MEI4: variants seen among roughly 807,000 people sequenced by gnomAD.
The protein encoded by MEI4 is meiosis-specific protein MEI4.
MEI4 carries 27 observed loss-of-function variants against 31.4 expected under a neutral mutation model. The observed-to-expected ratio is 0.86, with a 90% CI of 0.63 to 1.19. MEI4 has a LOEUF of 1.19. Ranked by LOEUF, MEI4 falls within the 50% of genes most tolerant of loss-of-function variation. MEI4 has a pLI of 0.00. For missense variants in MEI4, 329 were observed against 398.9 expected (o/e 0.82, Z 1.49); for synonymous variants, 122 against 145.4 (o/e 0.84, Z 1.16).
intron 1 of MEI4, among the ~76,000 whole-genome samples, chr6:77,672,697 G>C (rs556234784): frequency 8.5e-5 from 13 of 152,080 alleles, no homozygotes; most frequent in Middle Eastern, 3.2e-3. Context: ...GCACCACCAC[G>C]CCTGGCTAAT....
At chr6:77,680,617 A>T (rs1768939930) in intron 1 of MEI4, among the ~76,000 whole-genome samples, 2 of 152,194 alleles carry the variant, frequency 1.3e-5, no homozygotes, top group Admixed American at 6.5e-5. Context: ...ATGCCAGAAG[A>T]TGTATAGAAT....
chr6:77,735,643 C>T (rs375867323), intron 2 of MEI4, among the ~76,000 whole-genome samples: 2 of 152,240 alleles, frequency 1.3e-5, no homozygotes, highest in South Asian at 4.1e-4. Flanking sequence ...TTGTCAAAGT[C>T]ATTCTCTGTC....
chr6:77,727,295 T>G (rs2127665640), intron 2 of MEI4, among the ~76,000 whole-genome samples: 1 of 152,354 alleles, frequency 6.6e-6, no homozygotes, highest in African/African-American at 2.4e-5. Flanking sequence ...TGGCCTATAT[T>G]ATAATCTTCA....
Position 77,759,072 on chromosome 6 carries a change from TG to T in MEI4, c.233-2057del, listed in dbSNP as rs576872142. ...GCTATGAATGAGGTAACTGGTGTTT[TG>T]TTTGTTTGTTTGTTTGTTTAAATTA... is the stretch of plus-strand genomic sequence containing the variant. On this transcript the variant is annotated intron_variant, in intron 2 of 4. Coordinates refer to ENST00000684080, the MANE Select transcript of MEI4 (RefSeq NM_001322247.2). Among the ~76,000 whole-genome samples the T allele has an allele frequency of 1.4e-3, 212 of 152,210 alleles. 1 individual carries two copies. The highest frequency in any genetic ancestry group is 4.5e-3 in the African/African-American group (186 of 41,510).
chr6:77,816,103 A>G (rs933283881), intron 3 of MEI4, among the ~76,000 whole-genome samples: 3 of 152,134 alleles, frequency 2.0e-5, no homozygotes, highest in African/African-American at 7.2e-5. Flanking sequence ...CTCTATCCTT[A>G]TGAGCTGTCC....
intron 1 of MEI4, among the ~76,000 whole-genome samples, chr6:77,657,062 T>G (rs1263909467): frequency 6.6e-6 from 1 of 152,228 alleles, no homozygotes; most frequent in African/African-American, 2.4e-5. Context: ...AAATTGCTGC[T>G]GTAAAAATCT....
Position 77,926,246 on chromosome 6 carries a change from T to G in MEI4, c.*2900T>G, listed in dbSNP as rs1766841533. 1 of 151,992 alleles carries G rather than the reference T, an allele frequency of 6.6e-6. No individual in the cohort carries two copies. The highest frequency in any genetic ancestry group is 6.6e-5 in the Admixed American group (1 of 15,204). 9.4% of individuals were successfully genotyped at this position (151,992 alleles called of 1,614,324 possible). A position where few individuals can be genotyped will look rare whatever the true frequency, so the allele number is the denominator to read the frequency against. On this transcript the variant is annotated 3_prime_UTR_variant, in exon 5 of 5. Transcript: ENST00000684080. ...TAGCTTATGATTAGCTTATTTTGGA[T>G]TTTTTAATTGCTGTAAACAAGTTGT... is the stretch of plus-strand genomic sequence containing the variant.
At chr6:77,878,253 C>T (rs62425094) in intron 4 of MEI4, among the ~76,000 whole-genome samples, 44,615 of 151,896 alleles carry the variant, frequency 0.29, 7,123 homozygotes, top group South Asian at 0.38. Flanking sequence ...GGCCTCACTA[C>T]TTTTAGATGG....
In MEI4 at chr6:77,734,833, G is replaced by T. The variant is rs190559097; in HGVS notation, c.233-26297G>T. On this transcript the variant is annotated intron_variant, in intron 2 of 4. Transcript: ENST00000684080. ...GAGCTCTTTTAGGGCAGGCCTGGTT[G>T]TGACAAAATCTCTCAGCATTTGCTT... Among the ~76,000 whole-genome samples, 8 of 151,890 alleles carry T rather than the reference G, an allele frequency of 5.3e-5. No individual in the cohort carries two copies. The East Asian group carries it at 7.7e-4, about 15-fold the overall frequency.
intron 4 of MEI4, among the ~76,000 whole-genome samples, chr6:77,843,587 T>A (rs1465822838): frequency 6.6e-6 from 1 of 151,714 alleles, no homozygotes; most frequent in East Asian, 1.9e-4. Context: ...CATCTGAACC[T>A]CTGGCTAGTT....
intron 4 of MEI4, among the ~76,000 whole-genome samples, chr6:77,856,816 C>T (rs184423912): frequency 2.9e-4 from 44 of 152,282 alleles, no homozygotes; most frequent in Non-Finnish European, 1.9e-4. Flanking sequence ...TAAGCACTCT[C>T]ATCTTATCCA....
At chr6:77,656,319 T>G (rs1274526592) in intron 1 of MEI4, among the ~76,000 whole-genome samples, 1 of 152,144 alleles carries the variant, frequency 6.6e-6, no homozygotes, top group Admixed American at 6.5e-5. Context: ...CCTATTTTCA[T>G]GAATGTCTGT....
At chr6:77,777,566 T>A (rs560276834) in intron 3 of MEI4, among the ~76,000 whole-genome samples, 1 of 152,270 alleles carries the variant, frequency 6.6e-6, no homozygotes, top group Admixed American at 6.5e-5. Context: ...TGCTATCAAA[T>A]TTCCCTAAAG....
chr6:77,789,061 G>C (rs1311564857), intron 3 of MEI4, among the ~76,000 whole-genome samples: 2 of 152,146 alleles, frequency 1.3e-5, no homozygotes, highest in Non-Finnish European at 2.9e-5. Context: ...CAGAGATGTA[G>C]ACCAATGGAA....
chr6:77,872,601 T>C (rs1287365523), intron 4 of MEI4, among the ~76,000 whole-genome samples: 1 of 151,822 alleles, frequency 6.6e-6, no homozygotes, highest in Non-Finnish European at 1.5e-5. Flanking sequence ...TTATTATACT[T>C]TAAGTTTTAG....
At chr6:77,692,833 CT>C (rs1769183319) in intron 2 of MEI4, among the ~76,000 whole-genome samples, 2 of 151,890 alleles carry the variant, frequency 1.3e-5, no homozygotes, top group Admixed American at 1.3e-4. Context: ...TATGGATTAC[CT>C]AGAAGGAAGG....
chr6:77,706,130 G>C (rs1766327690), intron 2 of MEI4, among the ~76,000 whole-genome samples: 1 of 152,158 alleles, frequency 6.6e-6, no homozygotes, highest in African/African-American at 2.4e-5. Flanking sequence ...CCCCAAGGCA[G>C]GTCATTGAAA....
Position 77,855,343 on chromosome 6 carries a change from T to TA in MEI4, c.900+26293dup, listed in dbSNP as rs879898671. On this transcript the variant is annotated intron_variant, in intron 4 of 4. Coordinates refer to ENST00000684080, the MANE Select transcript of MEI4 (RefSeq NM_001322247.2). ...CGGGGCAACACAGCAAGACTCCATC[T>TA]AAAAAAAAAAAAGACAATTACTGCA... Among the ~76,000 whole-genome samples the TA allele has an allele frequency of 2.5e-3, 360 of 142,548 alleles. 1 individual carries two copies. Among genetic ancestry groups the TA allele is most frequent in the Non-Finnish European group, 3.5e-3 (229 of 64,850 alleles). 93.5% of individuals were successfully genotyped at this position (142,548 alleles called of 152,430 possible).
chr6:77,710,030 G>A (rs1052212143), intron 2 of MEI4, among the ~76,000 whole-genome samples: 2 of 152,184 alleles, frequency 1.3e-5, no homozygotes, highest in Non-Finnish European at 2.9e-5. Context: ...AGTGGGGGCT[G>A]GACCTGGAGG....
Sources: gnomAD v4.1 joint callset for allele counts (sites outside exome capture counted in the v4.1 genomes callset) on GRCh38, gnomAD v4.1.1 for gene constraint, MANE v1.5 for transcripts, NCBI Gene and HGNC (gene_info 2026-07-23, HGNC 2026-07-21) for gene names.